The following JAM2 variants were observed in gnomAD, a reference collection of about 807,000 sequenced individuals.
The protein encoded by JAM2 is junctional adhesion molecule B.
JAM2 carries 17 observed loss-of-function variants against 42.0 expected under a neutral mutation model. The observed-to-expected ratio is 0.40, with a 90% CI of 0.28 to 0.61. The LOEUF is 0.61. Ranked by LOEUF, JAM2 falls within the 20% of genes least tolerant of loss-of-function variation. The pLI is 0.37. For missense variants in JAM2, 319 were observed against 358.3 expected (o/e 0.89, Z 0.89); for synonymous variants, 118 against 128.6 (o/e 0.92, Z 0.56).
intron 2 of JAM2, among the ~76,000 whole-genome samples, chr21:25,684,875 A>G (rs994620608): frequency 2.0e-5 from 3 of 152,158 alleles, no homozygotes; most frequent in Admixed American, 6.5e-5. Flanking sequence ...TGGGATTACA[A>G]GCATGAACAA....
chr21:25,705,643 A>G (rs2034256099), intron 6 of JAM2, among the ~76,000 whole-genome samples: 1 of 152,244 alleles, frequency 6.6e-6, no homozygotes, highest in African/African-American at 2.4e-5. Context: ...TGGCAGTAGA[A>G]TACTTGAACT....
At chr21:25,642,844 G>A (rs550764525) in intron 1 of JAM2, among the ~76,000 whole-genome samples, 15 of 152,296 alleles carry the variant, frequency 9.8e-5, no homozygotes, top group African/African-American at 3.4e-4. Context: ...TACCATAAAC[G>A]GAGTAGCTTA....
intron 1 of JAM2, chr21:25,643,929 T>C (rs1320158993): frequency 6.6e-6 from 1 of 152,132 alleles, no homozygotes; most frequent in Non-Finnish European, 1.5e-5. Flanking sequence ...TATTGGAATA[T>C]AGAGGTAAGA....
intron 6 of JAM2, among the ~76,000 whole-genome samples, chr21:25,705,391 C>T (rs947381031): frequency 2.6e-5 from 4 of 151,766 alleles, no homozygotes; most frequent in Non-Finnish European, 4.4e-5. Context: ...CCACCATACC[C>T]GGATAATTTT....
chr21:25,701,202 C>T (rs1487867744), intron 5 of JAM2, among the ~76,000 whole-genome samples: 1 of 152,192 alleles, frequency 6.6e-6, no homozygotes, highest in Non-Finnish European at 1.5e-5. Flanking sequence ...GCCATGAGTT[C>T]ATGGTGAATA....
intron 2 of JAM2, among the ~76,000 whole-genome samples, chr21:25,688,243 G>GT (rs2033794289): frequency 5.3e-5 from 8 of 149,710 alleles, no homozygotes; most frequent in African/African-American, 2.0e-4. Flanking sequence ...CACCAGGAGG[G>GT]GTGTGTGTGT....
At chr21:25,680,390 T>C (rs1188971211) in intron 1 of JAM2, among the ~76,000 whole-genome samples, 1 of 152,244 alleles carries the variant, frequency 6.6e-6, no homozygotes, top group Non-Finnish European at 1.5e-5. Flanking sequence ...AACATTTTCA[T>C]GGATGACTCA....
intron 8 of JAM2, chr21:25,711,891 C>T (rs1236326109): frequency 4.7e-6 from 1 of 210,926 alleles, no homozygotes; most frequent in African/African-American, 2.4e-5. Context: ...TATGCCCTCA[C>T]ATTCATTAAA....
chr21:25,652,369 G>A (rs1004154530), intron 1 of JAM2, among the ~76,000 whole-genome samples: 1 of 152,078 alleles, frequency 6.6e-6, no homozygotes. Context: ...TCTAGCGTGG[G>A]TGACAGAGAA....
intron 1 of JAM2, among the ~76,000 whole-genome samples, chr21:25,660,780 ATATTTTTTTTTTTTTTTTTT>A (rs1336145362): frequency 1.7e-5 from 1 of 58,134 alleles, no homozygotes; most frequent in African/African-American, 1.1e-4. Flanking sequence ...ATATATATAT[ATATTTTTTTTTTTTTTTTTT>A]TTTTTTTTTT....
At chr21:25,696,266 C>G (rs1215231890) in intron 4 of JAM2, among the ~76,000 whole-genome samples, 1 of 152,170 alleles carries the variant, frequency 6.6e-6, no homozygotes, top group African/African-American at 2.4e-5. Context: ...CGCGCGCCTG[C>G]AATCCCAGGC....
intron 1 of JAM2, among the ~76,000 whole-genome samples, chr21:25,669,779 T>C (rs1601013979): frequency 6.6e-6 from 1 of 152,238 alleles, no homozygotes; most frequent in East Asian, 1.9e-4. Context: ...TTTCCATCTA[T>C]AATGAAGACT....
At chr21:25,674,732 G>C (rs1205050319) in intron 1 of JAM2, among the ~76,000 whole-genome samples, 1 of 150,880 alleles carries the variant, frequency 6.6e-6, no homozygotes, top group Admixed American at 6.7e-5. Flanking sequence ...TCGAGAGACT[G>C]TAAAGACATG....
intron 4 of JAM2, among the ~76,000 whole-genome samples, chr21:25,694,219 C>A (rs2033946906): frequency 6.6e-6 from 1 of 152,178 alleles, no homozygotes; most frequent in South Asian, 2.1e-4. Flanking sequence ...CAATAGTTTT[C>A]AGCATATACA....
intron 3 of JAM2, among the ~76,000 whole-genome samples, chr21:25,690,448 T>G (rs928706716): frequency 5.9e-5 from 9 of 152,054 alleles, no homozygotes; most frequent in Non-Finnish European, 1.3e-4. Flanking sequence ...CCCATCTCAG[T>G]CCCCAAGTAG....
intron 1 of JAM2, among the ~76,000 whole-genome samples, chr21:25,666,721 A>C (rs1331950921): frequency 6.6e-6 from 1 of 152,076 alleles, no homozygotes; most frequent in African/African-American, 2.4e-5. Context: ...TTTTTTGTAA[A>C]GATAGGATCT....
chr21:25,693,069 CATT>C (rs1043910730), intron 3 of JAM2, among the ~76,000 whole-genome samples: 1 of 152,124 alleles, frequency 6.6e-6, no homozygotes, highest in African/African-American at 2.4e-5. Context: ...TGGACAAAAA[CATT>C]AATTGCTCAG....
intron 1 of JAM2, among the ~76,000 whole-genome samples, chr21:25,655,616 G>A (rs1278803982): frequency 2.7e-5 from 4 of 147,446 alleles, no homozygotes; most frequent in Non-Finnish European, 6.0e-5. Context: ...GAGTAGCTGG[G>A]ATTCTAGGCG....
chr21:25,648,443 C>CATGTGTTT (rs1485568438), intron 1 of JAM2, among the ~76,000 whole-genome samples: 1 of 121,166 alleles, frequency 8.3e-6, no homozygotes, highest in African/African-American at 3.7e-5. Flanking sequence ...TCTTTTGTGC[C>CATGTGTTT]GTGTGTTTGT....
Sources: gnomAD v4.1 joint callset for allele counts (sites outside exome capture counted in the v4.1 genomes callset) on GRCh38, gnomAD v4.1.1 for gene constraint, MANE v1.5 for transcripts, NCBI Gene and HGNC (gene_info 2026-07-23, HGNC 2026-07-21) for gene names.